GPM6B: variants seen among roughly 807,000 people sequenced by gnomAD.
GPM6B encodes the protein neuronal membrane glycoprotein M6-b.
GPM6B carries 4 observed loss-of-function variants against 27.2 expected under a neutral mutation model. The ratio of observed to expected loss-of-function variants is 0.15; its 90% CI spans 0.07 to 0.34. The LOEUF (loss-of-function observed/expected upper bound fraction) is 0.34, where lower values mean the gene tolerates loss of function less well. Among genes scored for constraint, GPM6B ranks in the 10% least tolerant of loss-of-function variants. The pLI is 1.00. For synonymous variants in GPM6B, 124 were observed against 103.1 expected, an observed-to-expected ratio of 1.20 and a Z score of -1.23; for missense variants, 183 against 261.9, an observed-to-expected ratio of 0.70 and a Z score of 2.08.
Position 13,863,670 on chromosome X carries a change from G to A in GPM6B, c.-198+74657C>T, listed in dbSNP as rs181372819. ...CACTTTCTAGTTCCATTTGGTCCCA[G>A]AGCCGAGAGATTATTTTAACCATGA... On this transcript the variant is annotated intron_variant, in intron 1 of 6. Transcript: ENST00000398361. Among the ~76,000 whole-genome samples the A allele has an allele frequency of 1.3e-3, 151 of 112,045 alleles. 1 individual carries two copies. The highest frequency in any genetic ancestry group is 1.8e-3 in the Non-Finnish European group (98 of 53,238).
chrX:13,774,051 T>C, intron 7 of GPM6B: 2 of 742,307 alleles, frequency 2.7e-6, no homozygotes, highest in Non-Finnish European at 3.2e-6. Flanking sequence ...TAGTGAACCA[T>C]GTGATCATAA....
intron 2 of GPM6B, among the ~76,000 whole-genome samples, chrX:13,797,197 G>C (rs1321497683): frequency 8.9e-6 from 1 of 112,169 alleles, no homozygotes; most frequent in African/African-American, 3.2e-5. Context: ...AAGCCACTGT[G>C]GTGGGGTCTG....
chrX:13,867,168 G>A (rs1478414811), intron 1 of GPM6B, among the ~76,000 whole-genome samples: 2 of 111,427 alleles, frequency 1.8e-5, no homozygotes, highest in Non-Finnish European at 3.8e-5. Context: ...GGAGTGCAGT[G>A]GAGCAATCAC....
intron 1 of GPM6B, among the ~76,000 whole-genome samples, chrX:13,824,422 A>G (rs1244725648): frequency 8.9e-6 from 1 of 112,032 alleles, no homozygotes; most frequent in East Asian, 2.8e-4. Flanking sequence ...GATTTGACAG[A>G]TGGGGTTGTG....
At chrX:13,844,753 G>C (rs762028368) in intron 1 of GPM6B, among the ~76,000 whole-genome samples, 3 of 111,587 alleles carry the variant, frequency 2.7e-5, no homozygotes, top group Non-Finnish European at 3.8e-5. Context: ...AGCTACAAGT[G>C]GTTCCCCCTC....
chrX:13,836,460 TTC>T (rs1011282072), intron 1 of GPM6B, among the ~76,000 whole-genome samples: 1 of 112,478 alleles, frequency 8.9e-6, no homozygotes, highest in African/African-American at 3.2e-5. Flanking sequence ...TCCAATGAAG[TTC>T]TGTGGATATA....
rs149036757 is a variant in GPM6B, at chrX:13,812,460, C to T, written c.61+4384G>A. ...AGTCGGTGTGGTCACTTTCTTCCTCCGTTCCATGGCCATCCCTACTCCTGG... is the reference window on the plus strand; with the variant it reads ...AGTCGGTGTGGTCACTTTCTTCCTCTGTTCCATGGCCATCCCTACTCCTGG... On this transcript the variant is annotated intron_variant, in intron 1 of 7. Coordinates refer to ENST00000316715, the MANE Select transcript of GPM6B (RefSeq NM_001001995.3). Among the ~76,000 whole-genome samples, 571 of 111,694 alleles carry T rather than the reference C, an allele frequency of 5.1e-3. 4 individuals are homozygous for T. The highest frequency in any genetic ancestry group is 0.017 in the African/African-American group (528 of 30,693).
chrX:13,886,719 T>A (rs866016034), intron 1 of GPM6B, among the ~76,000 whole-genome samples: 17 of 35,090 alleles, frequency 4.8e-4, no homozygotes, highest in Non-Finnish European at 5.9e-4. Context: ...AAGTCACTAC[T>A]AAAAAAAAAA....
chrX:13,920,043 C>G (rs1920951372), intron 1 of GPM6B, among the ~76,000 whole-genome samples: 2 of 110,259 alleles, frequency 1.8e-5, no homozygotes, highest in South Asian at 7.7e-4. Flanking sequence ...GCAGGTGGAC[C>G]ACTTGAGTTC....
At chrX:13,796,054 G>A (rs377236392) in intron 2 of GPM6B, among the ~76,000 whole-genome samples, 1 of 111,751 alleles carries the variant, frequency 8.9e-6, no homozygotes, top group Non-Finnish European at 1.9e-5. Flanking sequence ...AGCCTCCCAA[G>A]TAGCTGGCAT....
At chrX:13,831,199 C>G (rs1013496970) in intron 1 of GPM6B, among the ~76,000 whole-genome samples, 84 of 107,770 alleles carry the variant, frequency 7.8e-4, no homozygotes, top group Non-Finnish European at 1.4e-3. Context: ...CACACACACA[C>G]ACACACACAC....
At chrX:13,780,813 C>T (rs1479692517) in intron 4 of GPM6B, 7 of 177,914 alleles carry the variant, frequency 3.9e-5, no homozygotes, top group Admixed American at 2.2e-4. Context: ...TCTCAGAAGG[C>T]GCGCCCACAG....
intron 1 of GPM6B, among the ~76,000 whole-genome samples, chrX:13,891,558 G>A (rs928800111): frequency 8.9e-6 from 1 of 112,557 alleles, no homozygotes; most frequent in Non-Finnish European, 1.9e-5. Context: ...AATGTGGCAT[G>A]TTCGCCATTG....
intron 1 of GPM6B, among the ~76,000 whole-genome samples, chrX:13,851,985 C>CT (rs2049723669): frequency 9.1e-6 from 1 of 110,149 alleles, no homozygotes. Flanking sequence ...TACCATTGGC[C>CT]TTACCTACTA....
At chrX:13,910,390 C>T (rs1377241926) in intron 1 of GPM6B, among the ~76,000 whole-genome samples, 5 of 112,528 alleles carry the variant, frequency 4.4e-5, no homozygotes, top group Admixed American at 1.9e-4. Flanking sequence ...AGCCACTGGG[C>T]GAATGCACAT....
chrX:13,780,487 G>A (rs775922609), intron 4 of GPM6B, among the ~76,000 whole-genome samples: 1 of 112,033 alleles, frequency 8.9e-6, no homozygotes, highest in East Asian at 2.8e-4. Flanking sequence ...AATAGCAATT[G>A]CCACAAGAAG....
intron 1 of GPM6B, among the ~76,000 whole-genome samples, chrX:13,857,115 T>C (rs1168873049): frequency 9.0e-6 from 1 of 111,577 alleles, no homozygotes; most frequent in Admixed American, 9.5e-5. Context: ...CTCCTTCTTA[T>C]AAGGATGCTG....
chrX:13,859,188 T>C (rs1206851296), intron 1 of GPM6B, among the ~76,000 whole-genome samples: 1 of 112,197 alleles, frequency 8.9e-6, no homozygotes, highest in Non-Finnish European at 1.9e-5. Flanking sequence ...ACAATCAACA[T>C]ACAGAACAGT....
intron 1 of GPM6B, among the ~76,000 whole-genome samples, chrX:13,891,596 C>T (rs1458830447): frequency 1.8e-5 from 2 of 112,411 alleles, no homozygotes; most frequent in Non-Finnish European, 3.8e-5. Context: ...TTGCAGTCCC[C>T]AAAAGGGGAA....
Sources: allele counts gnomAD v4.1 joint callset (sites outside exome capture counted in the v4.1 genomes callset), GRCh38; gene constraint gnomAD v4.1.1; transcripts MANE v1.5; gene names NCBI Gene and HGNC (gene_info 2026-07-23, HGNC 2026-07-21).